Variants in NCALD observed in about 807,000 individuals in gnomAD.
The protein encoded by NCALD is neurocalcin delta.
A neutral mutation model predicts 18.6 loss-of-function variants in NCALD; 10 were observed. The ratio of observed to expected loss-of-function variants is 0.54; its 90% CI spans 0.33 to 0.91. The LOEUF (loss-of-function observed/expected upper bound fraction) is 0.91, where lower values mean the gene tolerates loss of function less well. NCALD is among the 40% of genes least tolerant of loss of function. NCALD has a pLI of 0.03. For missense variants in NCALD, 184 were observed against 247.6 expected (o/e 0.74, Z 1.72); for synonymous variants, 88 against 87.4 (o/e 1.01, Z -0.04).
chr8:102,035,445 A>G (rs1027769866), intron 1 of NCALD, among the ~76,000 whole-genome samples: 1 of 152,164 alleles, frequency 6.6e-6, no homozygotes, highest in African/African-American at 2.4e-5. Context: ...AATGATTCAC[A>G]TGGAGAAAAT....
At chr8:101,947,787 T>C (rs1373186368) in intron 2 of NCALD, among the ~76,000 whole-genome samples, 2 of 152,236 alleles carry the variant, frequency 1.3e-5, no homozygotes, top group Non-Finnish European at 2.9e-5. Context: ...GGTTTCCACT[T>C]TCAGTTAATG....
chr8:101,864,929 A>C (rs902046730), intron 4 of NCALD, among the ~76,000 whole-genome samples: 4 of 152,158 alleles, frequency 2.6e-5, no homozygotes, highest in African/African-American at 7.2e-5. Context: ...GACAAAGAGT[A>C]CTTGTAATCT....
chr8:101,693,325 T>TG (rs1814827230), intron 2 of NCALD: 2 of 92,020 alleles, frequency 2.2e-5, no homozygotes, highest in Middle Eastern at 0.011. Flanking sequence ...GGCGTTTTTT[T>TG]TTTTTTTTTT....
chr8:101,959,514 T>C (rs538750954), intron 2 of NCALD, among the ~76,000 whole-genome samples: 1 of 152,290 alleles, frequency 6.6e-6, no homozygotes, highest in South Asian at 2.1e-4. Flanking sequence ...TTTCCAGTTA[T>C]TTGTTAATTT....
chr8:102,102,478 C>T (rs1290696976), intron 1 of NCALD, among the ~76,000 whole-genome samples: 3 of 152,184 alleles, frequency 2.0e-5, no homozygotes, highest in East Asian at 1.9e-4. Context: ...CACCAGAGGA[C>T]ATGGAGCAGT....
intron 2 of NCALD, among the ~76,000 whole-genome samples, chr8:101,706,912 CA>C (rs1299064194): frequency 2.6e-5 from 4 of 152,076 alleles, no homozygotes; most frequent in African/African-American, 4.8e-5. Flanking sequence ...GGGACAAACC[CA>C]AAACATCCAA....
intron 1 of NCALD, among the ~76,000 whole-genome samples, chr8:101,786,255 C>T (rs1812223427): frequency 6.6e-6 from 1 of 152,174 alleles, no homozygotes; most frequent in Admixed American, 6.6e-5. Flanking sequence ...TGAATAAAAG[C>T]TCAAGCAAAC....
At chr8:101,952,767 T>C (rs1447941835) in intron 2 of NCALD, among the ~76,000 whole-genome samples, 3 of 152,186 alleles carry the variant, frequency 2.0e-5, no homozygotes, top group Non-Finnish European at 4.4e-5. Context: ...ACTGCATAGT[T>C]CCCTGGGACT....
chr8:101,880,350 C>T (rs1383302467), intron 4 of NCALD, among the ~76,000 whole-genome samples: 4 of 152,290 alleles, frequency 2.6e-5, no homozygotes, highest in East Asian at 3.9e-4. Flanking sequence ...GGCCCACGAT[C>T]GCCAGGTGCA....
chr8:102,124,508 C>CCG (rs1554602532), upstream of NCALD: 2 of 142,562 alleles, frequency 1.4e-5, no homozygotes, highest in East Asian at 4.3e-4. Flanking sequence ...CCCCCCCCTC[C>CCG]CCCGCTTGCC....
At chr8:102,020,454 T>C in intron 1 of NCALD, 1 of 152,220 alleles carries the variant, frequency 6.6e-6, no homozygotes, top group Non-Finnish European at 1.5e-5. Flanking sequence ...TATTTCTTTA[T>C]TATTGGTTCT....
intron 1 of NCALD, among the ~76,000 whole-genome samples, chr8:102,076,528 A>AAAAAGTCAACTCTATTTTCC (rs146625040): frequency 0.026 from 3,898 of 152,288 alleles, 150 homozygotes; most frequent in African/African-American, 0.088. Context: ...CATGGGAGTG[A>AAAAAGTCAACTCTATTTTCC]AAAAGTCAAC....
chr8:101,825,781 A>G (rs1317941886), intron 4 of NCALD, among the ~76,000 whole-genome samples: 1 of 152,222 alleles, frequency 6.6e-6, no homozygotes, highest in Non-Finnish European at 1.5e-5. Flanking sequence ...TTTGCAGGTC[A>G]TACCATCTCC....
chr8:101,913,740 G>A (rs1027323479), intron 3 of NCALD, among the ~76,000 whole-genome samples: 12 of 152,124 alleles, frequency 7.9e-5, no homozygotes, highest in South Asian at 2.1e-4. Flanking sequence ...GCACCACCAC[G>A]CCCAGCTAAT....
chr8:101,758,557 C>A (rs1810981421), intron 1 of NCALD, among the ~76,000 whole-genome samples: 1 of 152,168 alleles, frequency 6.6e-6, no homozygotes. Context: ...TATGGCAGAT[C>A]CAGGATTTAA....
At chr8:102,091,346 A>G (rs1269011106) in intron 1 of NCALD, among the ~76,000 whole-genome samples, 1 of 152,240 alleles carries the variant, frequency 6.6e-6, no homozygotes, top group Non-Finnish European at 1.5e-5. Context: ...GAACTATGGT[A>G]CACCTGTTAC....
intron 2 of NCALD, among the ~76,000 whole-genome samples, chr8:101,702,048 C>G (rs1815291555): frequency 6.6e-6 from 1 of 152,108 alleles, no homozygotes; most frequent in Admixed American, 6.6e-5. Flanking sequence ...AGCATTTTCA[C>G]AGGCAGAGAG....
intron 1 of NCALD, among the ~76,000 whole-genome samples, chr8:102,062,745 A>G (rs374575568): frequency 1.3e-5 from 2 of 152,212 alleles, no homozygotes; most frequent in East Asian, 1.9e-4. Flanking sequence ...CATTTGAAAC[A>G]TGATCTTCTC....
intron 4 of NCALD, among the ~76,000 whole-genome samples, chr8:101,875,640 G>A (rs916907822): frequency 3.3e-5 from 5 of 152,126 alleles, no homozygotes; most frequent in Non-Finnish European, 7.4e-5. Context: ...ATTAGCAAGT[G>A]CACAGAAGGA....
Sources: allele counts gnomAD v4.1 joint callset (sites outside exome capture counted in the v4.1 genomes callset), GRCh38; gene constraint gnomAD v4.1.1; transcripts MANE v1.5; gene names NCBI Gene and HGNC (gene_info 2026-07-23, HGNC 2026-07-21).